NEO1: variants seen among roughly 807,000 people sequenced by gnomAD.
NEO1 encodes the protein neogenin.
Under a neutral mutation model 159.7 loss-of-function variants are expected in NEO1, and 63 were observed. The observed-to-expected ratio is 0.39, with a 90% CI of 0.32 to 0.49. The LOEUF (loss-of-function observed/expected upper bound fraction) is 0.49. Among genes scored for constraint, NEO1 ranks in the 20% least tolerant of loss-of-function variants. NEO1 has a pLI of 0.85. For synonymous variants in NEO1, 633 were observed against 662.0 expected (o/e 0.96, Z 0.67); for missense variants, 1,615 against 1,831.0 (o/e 0.88, Z 2.15).
intron 25 of NEO1, among the ~76,000 whole-genome samples, chr15:73,293,109 C>T (rs2042218506): frequency 6.6e-6 from 1 of 152,130 alleles, no homozygotes; most frequent in Admixed American, 6.5e-5. Context: ...TATTTTAATC[C>T]TGACCACTCT....
intron 1 of NEO1, among the ~76,000 whole-genome samples, chr15:73,112,804 G>A (rs2071078062): frequency 6.6e-6 from 1 of 152,170 alleles, no homozygotes; most frequent in Non-Finnish European, 1.5e-5. Context: ...AGATGATAGT[G>A]AAGCTTAAAT....
At chr15:73,248,971 C>T (rs764135302) in intron 9 of NEO1, 89 bp from the exon 10 acceptor site, 24 of 1,207,338 alleles carry the variant, frequency 2.0e-5, no homozygotes, top group Middle Eastern at 4.0e-4. Context: ...ATTTTAAAAA[C>T]GTGGCCAATA....
chr15:73,158,937 C>G (rs1201148044), intron 5 of NEO1, among the ~76,000 whole-genome samples: 1 of 152,122 alleles, frequency 6.6e-6, no homozygotes, highest in Non-Finnish European at 1.5e-5. Context: ...TTTTTGAGGT[C>G]TGCAGTGAAA....
chr15:73,089,798 A>G (rs1567169187), intron 1 of NEO1, among the ~76,000 whole-genome samples: 1 of 152,190 alleles, frequency 6.6e-6, no homozygotes, highest in Non-Finnish European at 1.5e-5. Flanking sequence ...CTAGAAATCT[A>G]TCCTACAGAT....
Position 73,052,777 on chromosome 15 carries a change from C to T in NEO1, c.102C>T (p.Ala34=). 1 of 1,214,596 alleles carries T rather than the reference C, an allele frequency of 8.2e-7. No individual in the cohort carries two copies. Among genetic ancestry groups the T allele is most frequent in the Non-Finnish European group, 1.0e-6 (1 of 969,402 alleles). 75.2% of individuals were successfully genotyped at this position (1,214,596 alleles called of 1,614,324 possible). ...GCCGGGCGCCGGGCGCCGCGGCCGCCAGGAGCGGCTCCGCGCCGCAGTCCC... is the reference window on the plus strand; with the variant it reads ...GCCGGGCGCCGGGCGCCGCGGCCGCTAGGAGCGGCTCCGCGCCGCAGTCCC... The part of the protein sequence containing the change: ...LGRRAPGAAA[A]RSGSAPQSPG... Residue 34 remains alanine, a synonymous_variant, in exon 1 of 29, where the codon GCC becomes GCT. Transcript: ENST00000261908.
intron 1 of NEO1, among the ~76,000 whole-genome samples, chr15:73,072,450 ACT>A (rs1452087669): frequency 6.6e-6 from 1 of 151,870 alleles, no homozygotes; most frequent in African/African-American, 2.4e-5. Flanking sequence ...GCTTTTTCTA[ACT>A]CTCCAAAACA....
intron 22 of NEO1, among the ~76,000 whole-genome samples, chr15:73,279,328 G>T (rs1289034181): frequency 4.2e-5 from 5 of 118,896 alleles, no homozygotes; most frequent in African/African-American, 1.4e-4. Context: ...ATGCATGCAT[G>T]TTTTTTTGTT....
intron 5 of NEO1, among the ~76,000 whole-genome samples, chr15:73,149,108 A>C (rs1401862101): frequency 6.6e-6 from 1 of 152,036 alleles, no homozygotes; most frequent in African/African-American, 2.4e-5. Flanking sequence ...CGAGGTCAAG[A>C]GATTGAGACC....
chr15:73,077,479 A>G (rs1420918775), intron 1 of NEO1, among the ~76,000 whole-genome samples: 5 of 152,250 alleles, frequency 3.3e-5, no homozygotes, highest in African/African-American at 4.8e-5. Flanking sequence ...AGTACAAGGA[A>G]GCTTGTGTGA....
intron 7 of NEO1, among the ~76,000 whole-genome samples, chr15:73,228,397 CT>C (rs201978738): frequency 0.011 from 1,571 of 139,734 alleles, 25 homozygotes; most frequent in African/African-American, 0.035. Context: ...AAGCTATTGC[CT>C]TTTTTTTTTT....
intron 22 of NEO1, among the ~76,000 whole-genome samples, chr15:73,279,492 G>T (rs1156611792): frequency 6.6e-6 from 1 of 151,882 alleles, no homozygotes; most frequent in Non-Finnish European, 1.5e-5. Context: ...GGGATTACAA[G>T]CGCCTGCCAC....
intron 2 of NEO1, among the ~76,000 whole-genome samples, chr15:73,118,470 A>T (rs2169951): frequency 9.1e-6 from 1 of 109,840 alleles, no homozygotes; most frequent in Admixed American, 8.6e-5. Context: ...CATCACCCTC[A>T]CCACAGTTTT....
intron 2 of NEO1, among the ~76,000 whole-genome samples, chr15:73,120,376 A>G (rs2071574092): frequency 1.3e-5 from 2 of 150,582 alleles, no homozygotes; most frequent in Admixed American, 1.3e-4. Context: ...TTTTCCTTCA[A>G]AAATCCCCTT....
intron 1 of NEO1, among the ~76,000 whole-genome samples, chr15:73,056,723 A>C (rs896415018): frequency 1.3e-4 from 19 of 151,938 alleles, no homozygotes; most frequent in African/African-American, 4.6e-4. Flanking sequence ...TAATTCCTTC[A>C]GCCACTCTTC....
chr15:73,270,767 A>G (rs1474667149), intron 18 of NEO1, among the ~76,000 whole-genome samples: 1 of 152,240 alleles, frequency 6.6e-6, no homozygotes, highest in African/African-American at 2.4e-5. Flanking sequence ...GGCAGTTCCA[A>G]TGCCATGCTT....
chr15:73,101,108 C>T (rs997820026), intron 1 of NEO1, among the ~76,000 whole-genome samples: 19 of 152,158 alleles, frequency 1.2e-4, no homozygotes, highest in Admixed American at 1.1e-3. Flanking sequence ...CTTTAACTTT[C>T]CCTTTAAGCG....
At chr15:73,185,637 C>T (rs965579539) in intron 7 of NEO1, among the ~76,000 whole-genome samples, 4 of 152,076 alleles carry the variant, frequency 2.6e-5, no homozygotes, top group Admixed American at 1.3e-4. Context: ...GATGTTTACC[C>T]AGATGAGTTG....
chr15:73,254,342 A>G (rs192912837), intron 12 of NEO1, among the ~76,000 whole-genome samples: 129 of 152,218 alleles, frequency 8.5e-4, no homozygotes, highest in Non-Finnish European at 1.5e-3. Flanking sequence ...TATACCTAAT[A>G]ATAGTTAGTT....
intron 21 of NEO1, among the ~76,000 whole-genome samples, chr15:73,276,558 A>C (rs1332216745): frequency 6.6e-6 from 1 of 152,220 alleles, no homozygotes; most frequent in Admixed American, 6.5e-5. Flanking sequence ...GACAATGGAA[A>C]AAGGGCCAGG....
Sources: gnomAD v4.1 joint callset for allele counts (sites outside exome capture counted in the v4.1 genomes callset) on GRCh38, gnomAD v4.1.1 for gene constraint, MANE v1.5 for transcripts, NCBI Gene and HGNC (gene_info 2026-07-23, HGNC 2026-07-21) for gene names.